The following PCDH11X variants were observed in gnomAD, a reference collection of about 807,000 sequenced individuals.
PCDH11X encodes the protein protocadherin 11 X-linked.
A neutral mutation model predicts 53.3 loss-of-function variants in PCDH11X; 18 were observed. The ratio of observed to expected loss-of-function variants is 0.34; its 90% confidence interval spans 0.23 to 0.50. PCDH11X has a LOEUF of 0.50. Among genes scored for constraint, PCDH11X ranks in the 20% least tolerant of loss-of-function variants. The pLI, the probability that PCDH11X is intolerant of heterozygous loss-of-function variation, is 0.98. For synonymous variants in PCDH11X, 279 were observed against 393.3 expected (o/e 0.71, Z 3.44); for missense variants, 570 against 1,032.4 (o/e 0.55, Z 6.14).
chrX:92,195,891 G>C, intron 6 of PCDH11X, among the ~76,000 whole-genome samples: 1 of 112,030 alleles, frequency 8.9e-6, no homozygotes, highest in Non-Finnish European at 1.9e-5. Flanking sequence ...GATAAACATA[G>C]CTTTACATGT....
Position 92,063,282 on chromosome X carries a change from T to C in PCDH11X, c.3034-138093T>C, listed in dbSNP as rs1314128259. 4.6e-5 allele frequency among the ~76,000 whole-genome samples: 5 copies of C among 109,793 alleles called. No individual in the cohort carries two copies. In the Admixed American group the frequency reaches 4.9e-4, roughly 11 times the overall value. ...GTGCAGCAAACTACCATGGCACGTT[T>C]ATACCTATGTAACAAACCTGCACAT... On this transcript the variant is annotated intron_variant, in intron 6 of 10. Coordinates refer to ENST00000682573, the MANE Select transcript of PCDH11X (RefSeq NM_032968.5).
intron 10 of PCDH11X, among the ~76,000 whole-genome samples, chrX:92,543,025 T>C (rs1483871418): frequency 1.8e-5 from 2 of 110,444 alleles, no homozygotes; most frequent in African/African-American, 3.3e-5. Context: ...TTACAAAATA[T>C]ACTTCTTAAA....
chrX:92,516,453 T>C (rs1466714809), intron 10 of PCDH11X, among the ~76,000 whole-genome samples: 1 of 111,973 alleles, frequency 8.9e-6, no homozygotes, highest in Non-Finnish European at 1.9e-5. Context: ...AATATGAGAA[T>C]AGGTTTTATC....
chrX:92,334,057 T>A (rs2522715), intron 8 of PCDH11X, among the ~76,000 whole-genome samples: 2 of 111,697 alleles, frequency 1.8e-5, no homozygotes, highest in Non-Finnish European at 3.8e-5. Context: ...ACTGTAAATT[T>A]TTTTGAAATT....
At chrX:91,799,291 C>T (rs1160806157) in intron 1 of PCDH11X, among the ~76,000 whole-genome samples, 1 of 111,213 alleles carries the variant, frequency 9.0e-6, no homozygotes, top group African/African-American at 3.3e-5. Context: ...TATTATCCTT[C>T]AATTAATAAT....
chrX:92,576,936 G>C (rs949989719), intron 10 of PCDH11X, among the ~76,000 whole-genome samples: 6 of 110,621 alleles, frequency 5.4e-5, no homozygotes, highest in African/African-American at 2.0e-4. Flanking sequence ...ATTACTTAAG[G>C]CTTATTATCT....
rs749779059 is a variant in PCDH11X at position 92,199,593 on chromosome X, A to G, written c.3034-1782A>G. On this transcript the variant is annotated intron_variant, in intron 6 of 10. Transcript: ENST00000682573. ...GTGTCATTTCTCTCACTTGCATTAC[A>G]GTTAGGTCTCAGCAGTTCTGTATAT... is the stretch of plus-strand genomic sequence containing the variant. Among the ~76,000 whole-genome samples, 10 of 110,707 alleles carry G rather than the reference A, an allele frequency of 9.0e-5. No homozygotes were observed. In the Admixed American group the frequency reaches 9.7e-4, roughly 11 times the overall value.
intron 6 of PCDH11X, among the ~76,000 whole-genome samples, chrX:91,898,721 T>C (rs898257809): frequency 4.9e-5 from 5 of 101,319 alleles, no homozygotes; most frequent in Non-Finnish European, 7.9e-5. Context: ...TGCATGCACA[T>C]TCTATTTACT....
chrX:92,454,775 G>C (rs1222375077), intron 9 of PCDH11X, among the ~76,000 whole-genome samples: 1 of 107,244 alleles, frequency 9.3e-6, no homozygotes, highest in Non-Finnish European at 1.9e-5. Context: ...CACTGAGCTG[G>C]AATGAGTATC....
intron 10 of PCDH11X, among the ~76,000 whole-genome samples, chrX:92,561,655 A>G (rs749496970): frequency 9.1e-6 from 1 of 110,360 alleles, no homozygotes; most frequent in South Asian, 3.9e-4. Flanking sequence ...TACAGTATCT[A>G]GATAAATAGG....
intron 6 of PCDH11X, among the ~76,000 whole-genome samples, chrX:91,907,910 T>G (rs1372446544): frequency 1.8e-5 from 2 of 111,782 alleles, no homozygotes; most frequent in Non-Finnish European, 1.9e-5. Flanking sequence ...TGTGTTAGTT[T>G]GCTAAGAATA....
At chrX:92,491,477 C>T (rs918125740) in intron 10 of PCDH11X, among the ~76,000 whole-genome samples, 32 of 109,742 alleles carry the variant, frequency 2.9e-4, no homozygotes, top group African/African-American at 1.0e-3. Context: ...TTAAGGTGTT[C>T]AACGTGATGT....
intron 6 of PCDH11X, among the ~76,000 whole-genome samples, chrX:92,126,069 G>C (rs2064855409): frequency 9.1e-6 from 1 of 109,447 alleles, no homozygotes; most frequent in Non-Finnish European, 1.9e-5. Flanking sequence ...GGAGGTTGCA[G>C]TAAACCAAGA....
chrX:91,817,176 A>T (rs1936481295), intron 4 of PCDH11X, among the ~76,000 whole-genome samples: 1 of 108,276 alleles, frequency 9.2e-6, no homozygotes, highest in Non-Finnish European at 1.9e-5. Context: ...TGTTTTATGA[A>T]ATAATTCTAT....
chrX:92,073,206 T>A (rs2063728574), intron 6 of PCDH11X, among the ~76,000 whole-genome samples: 1 of 112,039 alleles, frequency 8.9e-6, no homozygotes, highest in South Asian at 3.7e-4. Context: ...TTCAAGACTG[T>A]CTTTTCTGCC....
chrX:92,053,179 A>G (rs2063391365), intron 6 of PCDH11X, among the ~76,000 whole-genome samples: 1 of 111,138 alleles, frequency 9.0e-6, no homozygotes, highest in South Asian at 3.7e-4. Context: ...TGTTTCTCCA[A>G]TTGCCTGTGT....
chrX:91,792,902 G>GTAAC (rs896338731), intron 1 of PCDH11X, among the ~76,000 whole-genome samples: 7 of 109,231 alleles, frequency 6.4e-5, no homozygotes, highest in Non-Finnish European at 1.3e-4. Flanking sequence ...TGCTTTGGTT[G>GTAAC]TAACTGAAAC....
intron 8 of PCDH11X, among the ~76,000 whole-genome samples, chrX:92,323,471 C>T (rs1225828821): frequency 4.5e-5 from 5 of 110,272 alleles, no homozygotes; most frequent in Non-Finnish European, 9.5e-5. Flanking sequence ...TCACTGGTGA[C>T]TTGGTGAGCC....
intron 1 of PCDH11X, among the ~76,000 whole-genome samples, chrX:91,808,929 A>G (rs1936210360): frequency 9.2e-6 from 1 of 108,976 alleles, no homozygotes. Context: ...ATTTATCTTT[A>G]GTAAAATTAT....
Sources: allele counts gnomAD v4.1 joint callset (sites outside exome capture counted in the v4.1 genomes callset), GRCh38; gene constraint gnomAD v4.1.1; transcripts MANE v1.5; gene names NCBI Gene and HGNC (gene_info 2026-07-23, HGNC 2026-07-21).